RNGTT: variants seen among roughly 807,000 people sequenced by gnomAD.
RNGTT encodes RNA guanylyltransferase and 5'-phosphatase.
Under a neutral mutation model 79.3 loss-of-function variants are expected in RNGTT, and 33 were observed. The ratio of observed to expected loss-of-function variants is 0.42; its 90% CI spans 0.32 to 0.56. The LOEUF (loss-of-function observed/expected upper bound fraction) is 0.56, where lower values mean the gene tolerates loss of function less well. Among genes scored for constraint, RNGTT ranks in the 20% least tolerant of loss-of-function variants. The pLI is 0.17. For synonymous variants in RNGTT, 222 were observed against 235.9 expected (o/e 0.94, Z 0.54); for missense variants, 497 against 739.1 (o/e 0.67, Z 3.80).
chr6:88,619,410 C>CTCTG (rs1484006657), intron 14 of RNGTT, among the ~76,000 whole-genome samples: 1 of 152,184 alleles, frequency 6.6e-6, no homozygotes, highest in East Asian at 1.9e-4. Flanking sequence ...TTAAGCAATC[C>CTCTG]TCTGGCCTTG....
intron 12 of RNGTT, among the ~76,000 whole-genome samples, chr6:88,789,257 T>A (rs1477099291): frequency 6.6e-6 from 1 of 152,014 alleles, no homozygotes; most frequent in Non-Finnish European, 1.5e-5. Flanking sequence ...CCATCGCTAC[T>A]AAAAATACAA....
At chr6:88,929,320 C>A in intron 2 of RNGTT, 53 bp from the exon 3 acceptor site, 1 of 1,139,782 alleles carries the variant, frequency 8.8e-7, no homozygotes, top group Non-Finnish European at 1.3e-6. Context: ...TAATTTGTTC[C>A]CAAATAAGTA....
intron 6 of RNGTT, among the ~76,000 whole-genome samples, chr6:88,897,794 AT>A (rs904698437): frequency 2.6e-5 from 4 of 152,092 alleles, no homozygotes; most frequent in Non-Finnish European, 4.4e-5. Flanking sequence ...TGCTGAATAA[AT>A]TTTTTTCCTC....
chr6:88,698,202 T>A (rs1348793947), intron 13 of RNGTT, among the ~76,000 whole-genome samples: 5 of 111,274 alleles, frequency 4.5e-5, no homozygotes, highest in Non-Finnish European at 8.3e-5. Flanking sequence ...ATATATATGA[T>A]ATATATGAAA....
At chr6:88,930,766 C>T (rs1784493298) in intron 2 of RNGTT, among the ~76,000 whole-genome samples, 1 of 152,074 alleles carries the variant, frequency 6.6e-6, no homozygotes, top group Non-Finnish European at 1.5e-5. Flanking sequence ...ACCTATCTCT[C>T]ATCTACCCAA....
At chr6:88,734,006 A>G (rs1429445136) in intron 13 of RNGTT, among the ~76,000 whole-genome samples, 1 of 152,216 alleles carries the variant, frequency 6.6e-6, no homozygotes, top group African/African-American at 2.4e-5. Context: ...AATCTACATA[A>G]TGAAACAGAA....
chr6:88,627,153 T>C (rs1249494364), intron 14 of RNGTT, among the ~76,000 whole-genome samples: 1 of 152,106 alleles, frequency 6.6e-6, no homozygotes, highest in African/African-American at 2.4e-5. Flanking sequence ...AAGATGTCTG[T>C]TACACAACTA....
chr6:88,665,492 T>C (rs1163468202), intron 14 of RNGTT, among the ~76,000 whole-genome samples: 3 of 152,162 alleles, frequency 2.0e-5, no homozygotes, highest in African/African-American at 7.2e-5. Flanking sequence ...GATTGGTCAA[T>C]CAAGCCACAG....
chr6:88,919,707 C>CTTTTTTTTTTT (rs5878082), intron 4 of RNGTT, among the ~76,000 whole-genome samples: 16 of 58,486 alleles, frequency 2.7e-4, no homozygotes, highest in Non-Finnish European at 3.8e-4. Context: ...GTCAGTAGTT[C>CTTTTTTTTTTT]TTTTTTTTTT....
At chr6:88,882,027 G>A (rs2127928254) in intron 8 of RNGTT, among the ~76,000 whole-genome samples, 1 of 152,104 alleles carries the variant, frequency 6.6e-6, no homozygotes, top group East Asian at 1.9e-4. Flanking sequence ...CCTACTCTCA[G>A]TCACCATTGC....
At chr6:88,632,203 C>A (rs1384502539) in intron 14 of RNGTT, among the ~76,000 whole-genome samples, 3 of 152,104 alleles carry the variant, frequency 2.0e-5, no homozygotes, top group Non-Finnish European at 4.4e-5. Context: ...CTGAAGCAAC[C>A]CATCTGCCTT....
intron 2 of RNGTT, among the ~76,000 whole-genome samples, chr6:88,931,568 C>T (rs560243608): frequency 6.6e-6 from 1 of 152,146 alleles, no homozygotes; most frequent in Admixed American, 6.6e-5. Context: ...CCATGTGATG[C>T]CTAAGAATCA....
At chr6:88,935,478 C>G (rs749441337) in intron 2 of RNGTT, among the ~76,000 whole-genome samples, 1 of 151,996 alleles carries the variant, frequency 6.6e-6, no homozygotes, top group African/African-American at 2.4e-5. Flanking sequence ...CATTGGGAGG[C>G]CAAGGTGGGA....
intron 4 of RNGTT, among the ~76,000 whole-genome samples, chr6:88,912,993 C>A (rs992658421): frequency 1.3e-5 from 2 of 151,922 alleles, no homozygotes; most frequent in Admixed American, 6.6e-5. Context: ...TCACTGAGGC[C>A]AGGAATTCAA....
intron 11 of RNGTT, among the ~76,000 whole-genome samples, chr6:88,806,886 T>C (rs867848566): frequency 6.6e-6 from 1 of 152,120 alleles, no homozygotes; most frequent in African/African-American, 2.4e-5. Context: ...ATATGATACA[T>C]ATACACAATG....
intron 13 of RNGTT, among the ~76,000 whole-genome samples, chr6:88,754,000 A>T (rs1313274742): frequency 6.6e-6 from 1 of 152,208 alleles, no homozygotes; most frequent in African/African-American, 2.4e-5. Flanking sequence ...CCTAGAAGGG[A>T]ATTGTTCAGA....
chr6:88,944,335 T>A (rs1227916260), intron 1 of RNGTT, among the ~76,000 whole-genome samples: 1 of 152,220 alleles, frequency 6.6e-6, no homozygotes, highest in East Asian at 1.9e-4. Flanking sequence ...GTGATTCAAA[T>A]GAAGACTACG....
At chr6:88,724,230 C>T (rs1028297167) in intron 13 of RNGTT, among the ~76,000 whole-genome samples, 4 of 152,162 alleles carry the variant, frequency 2.6e-5, no homozygotes, top group African/African-American at 9.7e-5. Context: ...CCTTCACACT[C>T]ACTCACCACT....
intron 13 of RNGTT, among the ~76,000 whole-genome samples, chr6:88,743,516 G>A (rs974011709): frequency 5.3e-5 from 8 of 152,038 alleles, no homozygotes; most frequent in Non-Finnish European, 1.0e-4. Context: ...AGCCCCTGGT[G>A]ACCACCATTC....
Sources: allele counts gnomAD v4.1 joint callset (sites outside exome capture counted in the v4.1 genomes callset), GRCh38; gene constraint gnomAD v4.1.1; transcripts MANE v1.5; gene names NCBI Gene and HGNC (gene_info 2026-07-23, HGNC 2026-07-21).